Variants in CTDSPL2 observed in about 807,000 individuals in gnomAD.
The protein encoded by CTDSPL2 is CTD small phosphatase like 2, also known as CTD small phosphatase-like protein 2.
CTDSPL2 carries 5 observed loss-of-function variants against 60.0 expected under a neutral mutation model. The ratio of observed to expected loss-of-function variants is 0.08; its 90% CI spans 0.04 to 0.18. CTDSPL2 has a LOEUF of 0.18. Ranked by LOEUF, CTDSPL2 falls within the 10% of genes least tolerant of loss-of-function variation. CTDSPL2 has a pLI of 1.00. For missense variants in CTDSPL2, 370 were observed against 548.8 expected, an observed-to-expected ratio of 0.67 and a Z score of 3.26; for synonymous variants, 186 against 189.3, an observed-to-expected ratio of 0.98 and a Z score of 0.14.
At chr15:44,462,631 T>TA (rs1268793619) in intron 2 of CTDSPL2, among the ~76,000 whole-genome samples, 2 of 151,146 alleles carry the variant, frequency 1.3e-5, no homozygotes, top group Non-Finnish European at 2.9e-5. Flanking sequence ...GCCTCATTCC[T>TA]AACAGGCCAT....
chr15:44,482,252 G>A (rs80120921), intron 2 of CTDSPL2, among the ~76,000 whole-genome samples: 15,042 of 151,906 alleles, frequency 0.099, 1,539 homozygotes, highest in African/African-American at 0.24. Context: ...GCTCCCACCT[G>A]AGTCTCCCAA....
At chr15:44,478,967 AAATAAAAAAT>A (rs1394879338) in intron 2 of CTDSPL2, among the ~76,000 whole-genome samples, 3 of 152,170 alleles carry the variant, frequency 2.0e-5, no homozygotes, top group Non-Finnish European at 4.4e-5. Flanking sequence ...TCTCAAAAAC[AAATAAAAAAT>A]AATAAAACGT....
At position 44,527,269 on chromosome 15, in the gene CTDSPL2, T is replaced by G. The variant is rs923300780; in HGVS notation, c.*3095T>G. 4 of 150,884 alleles carry G rather than the reference T, an allele frequency of 2.7e-5. No homozygotes were observed. The highest frequency in any genetic ancestry group is 6.6e-5 in the Admixed American group (1 of 15,240). 9.3% of individuals were successfully genotyped at this position (150,884 alleles called of 1,614,324 possible). A position where few individuals can be genotyped will look rare whatever the true frequency, so the allele number is the denominator to read the frequency against. ...ATTGTTTTCTTGTATTTCTCTGGGTTGTTTTTTGTTTTTTTTTCCAAGGGT... is the reference window on the plus strand; with the variant it reads ...ATTGTTTTCTTGTATTTCTCTGGGTGGTTTTTTGTTTTTTTTTCCAAGGGT... On this transcript the variant is annotated 3_prime_UTR_variant, in exon 13 of 13. Coordinates refer to ENST00000260327, the MANE Select transcript of CTDSPL2 (RefSeq NM_016396.3).
At chr15:44,468,532 G>T (rs1334700710) in intron 2 of CTDSPL2, among the ~76,000 whole-genome samples, 1 of 152,000 alleles carries the variant, frequency 6.6e-6, no homozygotes, top group Non-Finnish European at 1.5e-5. Context: ...TTTTCAGTTT[G>T]ATTTACTTTT....
intron 1 of CTDSPL2, among the ~76,000 whole-genome samples, chr15:44,433,000 A>C (rs1280771169): frequency 6.6e-6 from 1 of 151,604 alleles, no homozygotes; most frequent in Non-Finnish European, 1.5e-5. Flanking sequence ...TAGCATGGAA[A>C]TGTGTTTGTG....
intron 8 of CTDSPL2, among the ~76,000 whole-genome samples, chr15:44,507,096 A>T (rs1204817398): frequency 7.4e-5 from 10 of 134,940 alleles, no homozygotes; most frequent in South Asian, 7.1e-4. Context: ...TTTTTTTTTT[A>T]AATAAGACTG....
rs752563726 is a variant in CTDSPL2 at position 44,521,299 on chromosome 15, T to G, written c.1240-12T>G. 2 of 1,260,684 alleles carry G rather than the reference T, an allele frequency of 1.6e-6. No homozygotes were observed. Among genetic ancestry groups the G allele is most frequent in the Non-Finnish European group, 2.3e-6 (2 of 884,248 alleles). The allele number at this position is 1,260,684 out of a possible 1,614,324, so 78.1% of individuals were successfully genotyped here. ...AGTAAAAGAGGATTTAATTACTTAT[T>G]TATTGTTTTAGCTTTCTAATGGAAT... is the stretch of plus-strand genomic sequence containing the variant. On this transcript the variant is annotated splice_polypyrimidine_tract_variant and intron_variant, in intron 11 of 12. Coordinates refer to ENST00000260327, the MANE Select transcript of CTDSPL2 (RefSeq NM_016396.3).
chr15:44,523,388 CTACATACATACATACATACA>C (rs61461067), intron 12 of CTDSPL2, among the ~76,000 whole-genome samples: 332 of 145,114 alleles, frequency 2.3e-3, no homozygotes, highest in Middle Eastern at 3.5e-3. Flanking sequence ...GACCTCATCT[CTACATACATACATACATACA>C]TACATACATA....
At chr15:44,475,455 A>G (rs1026579190) in intron 2 of CTDSPL2, among the ~76,000 whole-genome samples, 9 of 152,114 alleles carry the variant, frequency 5.9e-5, no homozygotes, top group Non-Finnish European at 1.0e-4. Context: ...TCTGGCCAAT[A>G]TGGTGAAACC....
In CTDSPL2 at chr15:44,526,534, T is replaced by G. The variant is rs2081876657; in HGVS notation, c.*2360T>G. On this transcript the variant is annotated 3_prime_UTR_variant, in exon 13 of 13. Coordinates refer to ENST00000260327, the MANE Select transcript of CTDSPL2 (RefSeq NM_016396.3). Reference sequence around the variant, plus strand: ...CCGTAAAGAAATAAACTAAGAAAATTTTTTATGGCTTGAGAAAATTCCTTG... The same window carrying G: ...CCGTAAAGAAATAAACTAAGAAAATGTTTTATGGCTTGAGAAAATTCCTTG... 6.6e-6 allele frequency: 1 copy of G among 152,146 alleles called. No homozygotes were observed. Among genetic ancestry groups the G allele is most frequent in the African/African-American group, 2.4e-5 (1 of 41,454 alleles). 9.4% of individuals were successfully genotyped at this position (152,146 alleles called of 1,614,324 possible). A position where few individuals can be genotyped will look rare whatever the true frequency, so the allele number is the denominator to read the frequency against.
At chr15:44,447,411 C>G (rs968537661) in intron 1 of CTDSPL2, among the ~76,000 whole-genome samples, 5 of 151,992 alleles carry the variant, frequency 3.3e-5, no homozygotes, top group African/African-American at 1.2e-4. Context: ...ATTACAATCT[C>G]AATGCAAACG....
chr15:44,476,013 G>C (rs536537906), intron 2 of CTDSPL2, among the ~76,000 whole-genome samples: 3 of 152,268 alleles, frequency 2.0e-5, no homozygotes, highest in African/African-American at 7.2e-5. Context: ...TGAAATCACA[G>C]CTCTTCTTAC....
chr15:44,525,828 A>G lies in CTDSPL2; in HGVS notation c.*1654A>G. ...TTAATGAAGATTTTAACTTTTCATC[A>G]GGTTGAGTGTTTTCTTACTATATTA... On this transcript the variant is annotated 3_prime_UTR_variant, in exon 13 of 13. Coordinates refer to ENST00000260327, the MANE Select transcript of CTDSPL2 (RefSeq NM_016396.3). 5.5e-6 allele frequency: 1 copy of G among 182,750 alleles called. No homozygotes were observed. Among genetic ancestry groups the G allele is most frequent in the Non-Finnish European group, 1.1e-5 (1 of 88,464 alleles). The allele number at this position is 182,750 out of a possible 1,614,324, so 11.3% of individuals were successfully genotyped here.
intron 2 of CTDSPL2, among the ~76,000 whole-genome samples, chr15:44,480,010 G>A (rs1186831738): frequency 6.6e-6 from 1 of 152,072 alleles, no homozygotes; most frequent in African/African-American, 2.4e-5. Flanking sequence ...TTTCTACCAT[G>A]TGTTTATTTG....
chr15:44,436,935 T>A (rs761880889), intron 1 of CTDSPL2, among the ~76,000 whole-genome samples: 1 of 152,232 alleles, frequency 6.6e-6, no homozygotes, highest in South Asian at 2.1e-4. Flanking sequence ...TTGGAATATT[T>A]GCATATACAT....
chr15:44,494,679 T>C (rs1402998038), intron 5 of CTDSPL2, among the ~76,000 whole-genome samples: 1 of 151,344 alleles, frequency 6.6e-6, no homozygotes, highest in African/African-American at 2.4e-5. Context: ...CGAGGCCGGG[T>C]CACCTGATGT....
intron 2 of CTDSPL2, among the ~76,000 whole-genome samples, chr15:44,462,433 G>A (rs1415463361): frequency 6.6e-6 from 1 of 152,226 alleles, no homozygotes; most frequent in East Asian, 1.9e-4. Context: ...ATGGTTTGGG[G>A]ATGAAATTGA....
intron 1 of CTDSPL2, among the ~76,000 whole-genome samples, chr15:44,458,231 T>A (rs1316939634): frequency 2.6e-5 from 4 of 152,250 alleles, no homozygotes; most frequent in African/African-American, 9.6e-5. Flanking sequence ...GGATTAAAAT[T>A]CACATCTCTT....
Position 44,481,068 on chromosome 15 carries a change from G to A in CTDSPL2, c.187-3156G>A, listed in dbSNP as rs551396756. On this transcript the variant is annotated intron_variant, in intron 2 of 12. Transcript: ENST00000260327. Reference sequence around the variant, plus strand: ...TTGGATCATCAGGCTGGGCACCATGGCTCATGCCTGTAATCCCAGCACTTT... The same window carrying A: ...TTGGATCATCAGGCTGGGCACCATGACTCATGCCTGTAATCCCAGCACTTT... 2.0e-5 allele frequency among the ~76,000 whole-genome samples: 3 copies of A among 151,452 alleles called. No homozygotes were observed. The South Asian group carries it at 6.3e-4, about 32-fold the overall frequency.
Sources: allele counts gnomAD v4.1 joint callset (sites outside exome capture counted in the v4.1 genomes callset), GRCh38; gene constraint gnomAD v4.1.1; transcripts MANE v1.5; gene names NCBI Gene and HGNC (gene_info 2026-07-23, HGNC 2026-07-21).